The following SRD5A2 variants were observed in gnomAD, a reference collection of about 807,000 sequenced individuals.
SRD5A2 encodes the protein 3-oxo-5-alpha-steroid 4-dehydrogenase 2.
Under a neutral mutation model 27.4 loss-of-function variants are expected in SRD5A2, and 30 were observed. The ratio of observed to expected loss-of-function variants is 1.10; its 90% CI spans 0.82 to 1.49. The LOEUF (loss-of-function observed/expected upper bound fraction) is 1.49, where lower values mean the gene tolerates loss of function less well. Among genes scored for constraint, SRD5A2 ranks in the 40% most tolerant of loss-of-function variants. SRD5A2 has a pLI of 0.00. For missense variants in SRD5A2, 348 were observed against 323.4 expected, an observed-to-expected ratio of 1.08 and a Z score of -0.58; for synonymous variants, 141 against 133.6, an observed-to-expected ratio of 1.06 and a Z score of -0.38.
At chr2:31,655,234 T>G in the SRD5A2 span, among the ~76,000 whole-genome samples, 1 of 152,270 alleles carries the variant, frequency 6.6e-6, no homozygotes, top group African/African-American at 2.4e-5. Context: ...CCTGATTAGC[T>G]GAGATTACGG....
intron 1 of SRD5A2, among the ~76,000 whole-genome samples, chr2:31,562,350 C>T (rs538875595): frequency 6.6e-6 from 1 of 152,060 alleles, no homozygotes; most frequent in East Asian, 1.9e-4. Context: ...AATGGGGTAT[C>T]CACCACCTCA....
At chr2:31,589,631 C>A in the SRD5A2 span, among the ~76,000 whole-genome samples, 1 of 152,156 alleles carries the variant, frequency 6.6e-6, no homozygotes, top group South Asian at 2.1e-4. Context: ...CACAGAGATT[C>A]TTCAGGAAGG....
chr2:31,571,966 T>A (rs1666856997), intron 1 of SRD5A2, among the ~76,000 whole-genome samples: 1 of 152,196 alleles, frequency 6.6e-6, no homozygotes, highest in South Asian at 2.1e-4. Context: ...AACTCAGCAA[T>A]CCCATTATTG....
chr2:31,547,986 C>T (rs761964490), intron 1 of SRD5A2, among the ~76,000 whole-genome samples: 1 of 152,098 alleles, frequency 6.6e-6, no homozygotes, highest in Non-Finnish European at 1.5e-5. Flanking sequence ...CAAGACCATT[C>T]AGTGGAGAAA....
At chr2:31,625,059 G>A in the SRD5A2 span, among the ~76,000 whole-genome samples, 2 of 152,102 alleles carry the variant, frequency 1.3e-5, no homozygotes. Flanking sequence ...ATTCTAACTG[G>A]TGTGAGATGG....
At chr2:31,546,177 T>C (rs1303032223) in intron 1 of SRD5A2, among the ~76,000 whole-genome samples, 2 of 103,010 alleles carry the variant, frequency 1.9e-5, no homozygotes, top group Non-Finnish European at 3.7e-5. Flanking sequence ...TTCCAATGAC[T>C]TTTTTTTTTC....
At chr2:31,582,326 T>C (rs1421654318), upstream of SRD5A2, among the ~76,000 whole-genome samples, 1 of 152,120 alleles carries the variant, frequency 6.6e-6, no homozygotes, top group African/African-American at 2.4e-5. Context: ...CCGTTTGGGG[T>C]GTCTCCTGAT....
In SRD5A2 at chr2:31,549,384, T is replaced by C. The variant is rs531723172; in HGVS notation, c.282-15618A>G. ...GCCTCGGCCTTCCAAAGTGCTGGGA[T>C]TACAGGCGTGAATTATTTTCTTACT... On this transcript the variant is annotated intron_variant, in intron 1 of 4. Transcript: ENST00000622030. 3.4e-4 allele frequency among the ~76,000 whole-genome samples: 51 copies of C among 152,034 alleles called. No homozygotes were observed. The South Asian group carries it at 0.01, about 31-fold the overall frequency.
chr2:31,540,119 T>C (rs1183595334), intron 1 of SRD5A2, among the ~76,000 whole-genome samples: 1 of 152,116 alleles, frequency 6.6e-6, no homozygotes, highest in Non-Finnish European at 1.5e-5. Flanking sequence ...TTTTAAACTA[T>C]GAAAAATTGT....
At chr2:31,618,824 A>G in the SRD5A2 span, among the ~76,000 whole-genome samples, 1 of 152,152 alleles carries the variant, frequency 6.6e-6, no homozygotes. Flanking sequence ...GCTTACCTAG[A>G]TTTTTAATGT....
the SRD5A2 span, among the ~76,000 whole-genome samples, chr2:31,649,928 T>C: frequency 6.6e-6 from 1 of 151,910 alleles, no homozygotes; most frequent in African/African-American, 2.4e-5. Flanking sequence ...CAAAATGTAT[T>C]TTGTCATTAT....
the SRD5A2 span, among the ~76,000 whole-genome samples, chr2:31,626,854 A>C: frequency 1.3e-5 from 2 of 152,176 alleles, no homozygotes; most frequent in Non-Finnish European, 1.5e-5. Context: ...CTTTGGTATC[A>C]GGATGATGCT....
the SRD5A2 span, among the ~76,000 whole-genome samples, chr2:31,634,553 T>C: frequency 6.6e-6 from 1 of 152,080 alleles, no homozygotes; most frequent in African/African-American, 2.4e-5. Context: ...CTCAGAATAA[T>C]ATTTATTTTT....
At chr2:31,528,775 T>C (rs1046940177) in intron 4 of SRD5A2, among the ~76,000 whole-genome samples, 1 of 150,822 alleles carries the variant, frequency 6.6e-6, no homozygotes, top group Non-Finnish European at 1.5e-5. Context: ...CAAAAATAAA[T>C]AAATAAATAA....
the SRD5A2 span, among the ~76,000 whole-genome samples, chr2:31,649,557 T>C: frequency 1.3e-5 from 2 of 152,148 alleles, no homozygotes; most frequent in African/African-American, 2.4e-5. Flanking sequence ...TTCAAAATTA[T>C]ATATAAAATA....
the SRD5A2 span, among the ~76,000 whole-genome samples, chr2:31,627,976 A>C: frequency 1.3e-5 from 2 of 152,126 alleles, no homozygotes; most frequent in South Asian, 2.1e-4. Flanking sequence ...AGTTCTGTAC[A>C]TGTCTATTAG....
chr2:31,541,294 C>T (rs1666123161), intron 1 of SRD5A2, among the ~76,000 whole-genome samples: 1 of 151,756 alleles, frequency 6.6e-6, no homozygotes. Flanking sequence ...AAAGAAGAGT[C>T]TGCATCCCAG....
At chr2:31,625,312 C>T in the SRD5A2 span, among the ~76,000 whole-genome samples, 2 of 152,242 alleles carry the variant, frequency 1.3e-5, no homozygotes, top group Admixed American at 6.5e-5. Context: ...CTGTAGGTTG[C>T]CTGTCCACTC....
the SRD5A2 span, among the ~76,000 whole-genome samples, chr2:31,633,585 C>G: frequency 1.3e-5 from 2 of 151,902 alleles, no homozygotes; most frequent in South Asian, 4.1e-4. Flanking sequence ...CTGGACCGGC[C>G]TGCTATTCCA....
Sources: allele counts gnomAD v4.1 joint callset (sites outside exome capture counted in the v4.1 genomes callset), GRCh38; gene constraint gnomAD v4.1.1; transcripts MANE v1.5; gene names NCBI Gene and HGNC (gene_info 2026-07-23, HGNC 2026-07-21).